The following NEIL3 variants were observed in gnomAD, a reference collection of about 807,000 sequenced individuals.
The protein encoded by NEIL3 is nei like DNA glycosylase 3.
A neutral mutation model predicts 57.5 loss-of-function variants in NEIL3; 48 were observed. That is an observed-to-expected ratio of 0.83 (90% CI 0.66 to 1.06). The LOEUF (loss-of-function observed/expected upper bound fraction) is 1.06. NEIL3 is among the 50% of genes least tolerant of loss of function. The probability of loss-of-function intolerance (pLI) is 0.00; values close to 1 mark genes in which losing one functional copy is unlikely to be tolerated. For synonymous variants in NEIL3, 261 were observed against 253.2 expected, an observed-to-expected ratio of 1.03 and a Z score of -0.29; for missense variants, 717 against 739.1, an observed-to-expected ratio of 0.97 and a Z score of 0.35.
chr4:177,320,160 A>C (rs1201618111), intron 1 of NEIL3, among the ~76,000 whole-genome samples: 1 of 152,190 alleles, frequency 6.6e-6, no homozygotes, highest in East Asian at 1.9e-4. Context: ...ATTGTAATCT[A>C]TACTTGGCCT....
intron 3 of NEIL3, 80 bp from the exon 4 acceptor site, chr4:177,336,028 T>A: frequency 8.0e-7 from 1 of 1,245,740 alleles, no homozygotes; most frequent in South Asian, 1.4e-5. Flanking sequence ...AAAGTGCTTA[T>A]AGCAAAGCTC....
intron 6 of NEIL3, among the ~76,000 whole-genome samples, chr4:177,347,573 G>A (rs1267489202): frequency 6.6e-6 from 1 of 152,172 alleles, no homozygotes; most frequent in Non-Finnish European, 1.5e-5. Flanking sequence ...CTGCTGTGTG[G>A]AATAGAGACG....
At chr4:177,310,251 C>T (rs1734451784) in intron 1 of NEIL3, 142 bp downstream of exon 1, 3 of 1,003,376 alleles carry the variant, frequency 3.0e-6, no homozygotes, top group Non-Finnish European at 4.1e-6. Flanking sequence ...AGTTTATCGT[C>T]ACTTTACTGT....
At chr4:177,334,891 C>T (rs1734945502) in intron 2 of NEIL3, among the ~76,000 whole-genome samples, 1 of 152,168 alleles carries the variant, frequency 6.6e-6, no homozygotes, top group Non-Finnish European at 1.5e-5. Context: ...TCTTCATCAT[C>T]AGAGGTCTTA....
intron 4 of NEIL3, among the ~76,000 whole-genome samples, chr4:177,336,584 A>C (rs891972438): frequency 2.0e-5 from 3 of 152,086 alleles, no homozygotes; most frequent in African/African-American, 7.2e-5. Flanking sequence ...TGTTCTCTCC[A>C]TACCAGGTAT....
intron 6 of NEIL3, among the ~76,000 whole-genome samples, chr4:177,345,679 CTTTTTT>C (rs55741585): frequency 3.2e-4 from 25 of 78,068 alleles, no homozygotes; most frequent in African/African-American, 1.3e-3. Flanking sequence ...CCACGCCTGG[CTTTTTT>C]TTTTTTTTTT....
chr4:177,360,709 T>G (rs1579011014), intron 9 of NEIL3, 32 bp downstream of exon 9: 1 of 1,486,926 alleles, frequency 6.7e-7, no homozygotes, highest in East Asian at 2.3e-5. Context: ...CTTACTAAAA[T>G]GTAATTAAAT....
chr4:177,330,794 A>G (rs1289875689), intron 2 of NEIL3, among the ~76,000 whole-genome samples: 1 of 152,232 alleles, frequency 6.6e-6, no homozygotes, highest in African/African-American at 2.4e-5. Flanking sequence ...GCAATTATTG[A>G]TAAGCTATGT....
At chr4:177,334,073 G>A (rs1560912849) in intron 2 of NEIL3, among the ~76,000 whole-genome samples, 1 of 151,538 alleles carries the variant, frequency 6.6e-6, no homozygotes, top group Non-Finnish European at 1.5e-5. Flanking sequence ...TAATTATGAG[G>A]AATCCTGAAA....
intron 2 of NEIL3, among the ~76,000 whole-genome samples, chr4:177,322,879 A>C (rs1734715350): frequency 6.6e-6 from 1 of 152,086 alleles, no homozygotes; most frequent in African/African-American, 2.4e-5. Context: ...CCTTGTTTTT[A>C]CCGAATGCTT....
downstream of NEIL3, among the ~76,000 whole-genome samples, chr4:177,367,839 C>T (rs898342000): frequency 7.2e-5 from 11 of 152,180 alleles, no homozygotes; most frequent in African/African-American, 2.4e-4. Flanking sequence ...TTGCAACAGC[C>T]GCTGTGCTGA....
At chr4:177,327,197 CA>C (rs1734798670) in intron 2 of NEIL3, among the ~76,000 whole-genome samples, 1 of 152,144 alleles carries the variant, frequency 6.6e-6, no homozygotes. Flanking sequence ...TGAGACCTCC[CA>C]AACCATGTGG....
At chr4:177,325,131 A>G (rs1453860816) in intron 2 of NEIL3, among the ~76,000 whole-genome samples, 1 of 152,148 alleles carries the variant, frequency 6.6e-6, no homozygotes, top group Admixed American at 6.6e-5. Context: ...TGCCTTATAC[A>G]TGATTGATTT....
intron 1 of NEIL3, among the ~76,000 whole-genome samples, chr4:177,312,966 A>T (rs573685026): frequency 1.3e-3 from 194 of 152,350 alleles, no homozygotes; most frequent in African/African-American, 3.9e-3. Flanking sequence ...GGTTGTCACA[A>T]ACCTCTGGCA....
At chr4:177,370,380 G>C in the NEIL3 span, among the ~76,000 whole-genome samples, 7 of 152,156 alleles carry the variant, frequency 4.6e-5, no homozygotes, top group Non-Finnish European at 1.0e-4. Context: ...TAGTGTTTCT[G>C]GAGGAGCAGA....
downstream of NEIL3, among the ~76,000 whole-genome samples, chr4:177,365,267 G>A (rs1735678648): frequency 6.6e-6 from 1 of 152,124 alleles, no homozygotes; most frequent in African/African-American, 2.4e-5. Flanking sequence ...ATGTGAGTGT[G>A]AGTTGCCCTG....
chr4:177,351,272 A>G, intron 6 of NEIL3, 108 bp from the exon 7 acceptor site: 1 of 653,042 alleles, frequency 1.5e-6, no homozygotes. Context: ...TCCAAGCAAT[A>G]ATAAAGAGAT....
chr4:177,354,062 C>A, intron 8 of NEIL3: 1 of 222,344 alleles, frequency 4.5e-6, no homozygotes, highest in Middle Eastern at 1.6e-3. Flanking sequence ...CCACCATGCC[C>A]GGCTGGTTGC....
intron 3 of NEIL3, 103 bp downstream of exon 3, chr4:177,335,925 T>C: frequency 2.5e-6 from 3 of 1,197,680 alleles, no homozygotes; most frequent in East Asian, 2.5e-5. Context: ...GAGTTTGTAA[T>C]TGATGAAACC....
Sources: allele counts gnomAD v4.1 joint callset (sites outside exome capture counted in the v4.1 genomes callset), GRCh38; gene constraint gnomAD v4.1.1; transcripts MANE v1.5; gene names NCBI Gene and HGNC (gene_info 2026-07-23, HGNC 2026-07-21).